NR2F1-AS1: variants seen among roughly 807,000 people sequenced by gnomAD.
NR2F1-AS1 encodes the protein NR2F1 regulatory antisense RNA 1, also known as NR2F1 antisense RNA 1.
At chr5:93,417,474 T>G (rs753724250) in intron 4 of NR2F1-AS1, among the ~76,000 whole-genome samples, 2 of 152,182 alleles carry the variant, frequency 1.3e-5, no homozygotes, top group African/African-American at 2.4e-5. Flanking sequence ...TGCCAATACA[T>G]AACAACCAAT....
chr5:93,571,800 G>T (rs1752774879), intron 1 of NR2F1-AS1, among the ~76,000 whole-genome samples: 1 of 151,610 alleles, frequency 6.6e-6, no homozygotes, highest in Non-Finnish European at 1.5e-5. Flanking sequence ...TGCAAAACCT[G>T]CTAGGGACAC....
At chr5:93,518,839 T>C (rs909034201) in intron 4 of NR2F1-AS1, among the ~76,000 whole-genome samples, 1 of 152,086 alleles carries the variant, frequency 6.6e-6, no homozygotes, top group Non-Finnish European at 1.5e-5. Context: ...GATAATTTCA[T>C]CCACAGTATT....
At chr5:93,469,931 CA>C (rs1750330999) in intron 4 of NR2F1-AS1, among the ~76,000 whole-genome samples, 1 of 151,982 alleles carries the variant, frequency 6.6e-6, no homozygotes, top group Non-Finnish European at 1.5e-5. Flanking sequence ...CAAAATATAA[CA>C]ACTGTTTATA....
At chr5:93,473,460 TC>T (rs2149871398) in intron 4 of NR2F1-AS1, among the ~76,000 whole-genome samples, 1 of 151,888 alleles carries the variant, frequency 6.6e-6, no homozygotes, top group Admixed American at 6.6e-5. Flanking sequence ...TTTGGAAGCC[TC>T]CCGTTGCCTC....
intron 4 of NR2F1-AS1, among the ~76,000 whole-genome samples, chr5:93,518,550 T>C (rs1358650009): frequency 6.6e-6 from 1 of 152,112 alleles, no homozygotes; most frequent in East Asian, 1.9e-4. Context: ...TGAACCCAGA[T>C]TTTTTATTTC....
chr5:93,486,105 G>A (rs1424526088), intron 4 of NR2F1-AS1, among the ~76,000 whole-genome samples: 1 of 118,794 alleles, frequency 8.4e-6, no homozygotes, highest in Non-Finnish European at 1.7e-5. Context: ...ACACTCTGGG[G>A]ACTGTTGTGG....
At chr5:93,430,870 C>G (rs1049021011) in intron 4 of NR2F1-AS1, among the ~76,000 whole-genome samples, 3 of 149,810 alleles carry the variant, frequency 2.0e-5, no homozygotes, top group Non-Finnish European at 3.0e-5. Context: ...TTATCATCAT[C>G]ATCATCATCA....
chr5:93,585,561 T>A, upstream of NR2F1-AS1: 1 of 1,266,080 alleles, frequency 7.9e-7, no homozygotes, highest in Non-Finnish European at 1.1e-6. Flanking sequence ...CTCGCCCGGG[T>A]GGTTGCTGTG....
chr5:93,584,671 G>C (rs1051111216), upstream of NR2F1-AS1: 22 of 149,154 alleles, frequency 1.5e-4, 1 homozygote, highest in African/African-American at 4.6e-4. Context: ...ACGGAGCGCG[G>C]GGGGAGCGGG....
At chr5:93,518,607 T>A (rs1751442964) in intron 4 of NR2F1-AS1, among the ~76,000 whole-genome samples, 1 of 152,128 alleles carries the variant, frequency 6.6e-6, no homozygotes, top group Non-Finnish European at 1.5e-5. Context: ...TCTTTATATT[T>A]AAAATGGTAA....
rs1199075273 is a variant in NR2F1-AS1, at chr5:93,579,126, C to T, written n.313+1341G>A. On this transcript the variant is annotated intron_variant and non_coding_transcript_variant, in intron 1 of 5. Coordinates refer to ENST00000660523, the Ensembl canonical transcript of NR2F1-AS1. The surrounding 1 kb of genome is among the most constrained non-coding windows in gnomAD (Gnocchi z 5.1). ...AGCTCTAAGTGCCACTCAGGCCGGA[C>T]GAGTTCCAGAGGGGGACAGCGCCCT... Among the ~76,000 whole-genome samples the T allele has an allele frequency of 6.6e-6, 1 of 152,162 alleles. No homozygotes were observed. Among genetic ancestry groups the T allele is most frequent in the Non-Finnish European group, 1.5e-5 (1 of 68,036 alleles).
intron 4 of NR2F1-AS1, among the ~76,000 whole-genome samples, chr5:93,462,381 G>A (rs767317116): frequency 6.6e-6 from 1 of 152,162 alleles, no homozygotes; most frequent in Non-Finnish European, 1.5e-5. Context: ...TGATTGTGAG[G>A]TTTCCACAGC....
chr5:93,553,001 G>A (rs1424070039), intron 4 of NR2F1-AS1, among the ~76,000 whole-genome samples: 2 of 152,004 alleles, frequency 1.3e-5, no homozygotes, highest in Admixed American at 1.3e-4. Flanking sequence ...TAGAAGTCAA[G>A]CACTATGTCT....
intron 4 of NR2F1-AS1, among the ~76,000 whole-genome samples, chr5:93,426,854 C>A (rs1462430657): frequency 6.6e-6 from 1 of 152,142 alleles, no homozygotes; most frequent in African/African-American, 2.4e-5. Flanking sequence ...AAAGTTACAT[C>A]AGTTTTTAGA....
At chr5:93,531,389 C>T (rs1461450218) in intron 4 of NR2F1-AS1, among the ~76,000 whole-genome samples, 2 of 152,220 alleles carry the variant, frequency 1.3e-5, no homozygotes, top group East Asian at 1.9e-4. Flanking sequence ...ATCCTTCCCA[C>T]CTATGCGTAT....
chr5:93,558,787 T>G (rs141901774), intron 2 of NR2F1-AS1, among the ~76,000 whole-genome samples: 1 of 152,322 alleles, frequency 6.6e-6, no homozygotes, highest in Admixed American at 6.5e-5. Context: ...GGAGCTGTAA[T>G]AGTTTGAAAG....
chr5:93,558,454 G>T (rs1752413294), intron 2 of NR2F1-AS1, among the ~76,000 whole-genome samples: 1 of 151,610 alleles, frequency 6.6e-6, no homozygotes. Context: ...CCTAGTAACT[G>T]GGATTACAGG....
At chr5:93,505,184 A>G (rs1751160716) in intron 4 of NR2F1-AS1, among the ~76,000 whole-genome samples, 1 of 152,064 alleles carries the variant, frequency 6.6e-6, no homozygotes. Flanking sequence ...AAATTAAATG[A>G]TCTCCTTTGA....
chr5:93,568,192 A>C (rs1268157916), intron 1 of NR2F1-AS1, among the ~76,000 whole-genome samples: 1 of 152,232 alleles, frequency 6.6e-6, no homozygotes, highest in Non-Finnish European at 1.5e-5. Flanking sequence ...TAAATAAATG[A>C]CTTATTTTAA....
Sources: allele counts gnomAD v4.1 joint callset (sites outside exome capture counted in the v4.1 genomes callset), GRCh38; gene constraint gnomAD v4.1.1; non-coding constraint Gnocchi (gnomAD v3.1); transcripts MANE v1.5; gene names NCBI Gene and HGNC (gene_info 2026-07-23, HGNC 2026-07-21).